Variants in COL4A2 observed in about 807,000 individuals in gnomAD.
COL4A2 encodes collagen type IV alpha 2 chain.
Under a neutral mutation model 200.2 loss-of-function variants are expected in COL4A2, and 99 were observed. The ratio of observed to expected loss-of-function variants is 0.49; its 90% CI spans 0.42 to 0.58. The LOEUF is 0.58. Ranked by LOEUF, COL4A2 falls within the 20% of genes least tolerant of loss-of-function variation. The probability of loss-of-function intolerance (pLI) is 0.00; values close to 1 mark genes in which losing one functional copy is unlikely to be tolerated. For missense variants in COL4A2, 1,950 were observed against 2,314.1 expected (o/e 0.84, Z 3.23); for synonymous variants, 897 against 900.6 (o/e 1.00, Z 0.07).
chr13:110,343,838 AG>A (rs1308401201), intron 3 of COL4A2, among the ~76,000 whole-genome samples: 1 of 152,326 alleles, frequency 6.6e-6, no homozygotes. Context: ...CACAGAGGGC[AG>A]GTTTTGAACA....
At chr13:110,433,329 T>C (rs6492274) in intron 11 of COL4A2, among the ~76,000 whole-genome samples, 9,699 of 152,302 alleles carry the variant, frequency 0.064, 423 homozygotes, top group African/African-American at 0.12. Flanking sequence ...AGCCAAGCCC[T>C]GAGCCCAGGC....
intron 4 of COL4A2, among the ~76,000 whole-genome samples, chr13:110,414,714 T>A (rs1462901197): frequency 1.3e-5 from 2 of 152,218 alleles, no homozygotes; most frequent in African/African-American, 2.4e-5. Context: ...AAAGTGATAT[T>A]ATATTGGTCT....
rs369679874 is a variant in COL4A2 at position 110,307,923 on chromosome 13, C to T, written c.20C>T (p.Ala7Val). 12 of 1,612,728 alleles carry T rather than the reference C, an allele frequency of 7.4e-6. No individual in the cohort carries two copies. The African/African-American group carries it at 1.6e-4, about 22-fold the overall frequency. The change falls in exon 2 of 48, where the codon GCG (alanine) becomes GTG (valine). Residue 7 changes from alanine (A) to valine (V), a missense_variant. Physicochemically the swap from Ala to Val is moderately conservative, Grantham distance 64. This residue lies in a region of COL4A2 where 565 missense variants were observed against 593.5 expected (regional missense o/e 0.95). Coordinates refer to ENST00000360467, the MANE Select transcript of COL4A2 (RefSeq NM_001846.4). This position sits in a 1 kb window ranked among gnomAD's most constrained non-coding sequence, Gnocchi z 5.0. MGRDQR[A>V]VAGPALRRWL... ...GCCAGCATGGGGAGAGACCAGCGCGCGGTGGCCGGCCCTGCCCTACGGCGG... is the reference window on the plus strand; with the variant it reads ...GCCAGCATGGGGAGAGACCAGCGCGTGGTGGCCGGCCCTGCCCTACGGCGG...
chr13:110,493,859 A>AGG (rs1883367988), intron 39 of COL4A2, among the ~76,000 whole-genome samples: 1 of 152,076 alleles, frequency 6.6e-6, no homozygotes, highest in Non-Finnish European at 1.5e-5. Flanking sequence ...TGTCCTCACG[A>AGG]GGGAGAGCAC....
chr13:110,428,443 T>C (rs1180477935), intron 6 of COL4A2, 24 bp from the exon 7 acceptor site: 1 of 1,438,578 alleles, frequency 7.0e-7, no homozygotes, highest in Non-Finnish European at 9.5e-7. Flanking sequence ...GGTTGGCTGA[T>C]TCTCTCACTG....
intron 4 of COL4A2, among the ~76,000 whole-genome samples, chr13:110,387,668 G>T (rs74127433): frequency 0.037 from 5,571 of 152,316 alleles, 237 homozygotes; most frequent in African/African-American, 0.1. Flanking sequence ...TCTGGAGTTC[G>T]GTTTTTCTAA....
Position 110,408,819 on chromosome 13 carries a change from A to ATG in COL4A2, c.181-15915_181-15914insTG, listed in dbSNP as rs1195685173. Among the ~76,000 whole-genome samples the ATG allele has an allele frequency of 3.1e-3, 412 of 133,156 alleles. 2 individuals carry two copies. The highest frequency in any genetic ancestry group is 5.5e-3 in the South Asian group (23 of 4,158). The allele number at this position is 133,156 out of a possible 152,430, so 87.4% of individuals were successfully genotyped here. On this transcript the variant is annotated intron_variant, in intron 4 of 47. Coordinates refer to ENST00000360467, the MANE Select transcript of COL4A2 (RefSeq NM_001846.4). ...CACACGCACACATATATATACACAC[A>ATG]CACATGCACACACACATACACGCAC...
intron 4 of COL4A2, among the ~76,000 whole-genome samples, chr13:110,362,377 G>A (rs959303995): frequency 6.6e-6 from 1 of 152,122 alleles, no homozygotes; most frequent in Non-Finnish European, 1.5e-5. Context: ...CAAGGTGCCC[G>A]CCCCTAGCAC....
chr13:110,335,477 T>G (rs1876137689), intron 3 of COL4A2, among the ~76,000 whole-genome samples: 1 of 152,180 alleles, frequency 6.6e-6, no homozygotes, highest in Non-Finnish European at 1.5e-5. Flanking sequence ...TGCCACCATG[T>G]AAGACGTGCC....
Position 110,511,996 on chromosome 13 carries a change from G to A in COL4A2, c.4944G>A (p.Glu1648=). 1 of 1,613,580 alleles carries A rather than the reference G, an allele frequency of 6.2e-7. No individual in the cohort carries two copies. Among genetic ancestry groups the A allele is most frequent in the Non-Finnish European group, 8.5e-7 (1 of 1,180,042 alleles). The change falls in exon 48 of 48, where the codon GAG becomes GAA. Residue 1648 remains glutamate, a synonymous_variant. Transcript: ENST00000360467. ...TGGTGTCACCGGGCAGCTGTCTAGA[G>A]GACTTCCGCGCCACACCATTCATCG... ...QSLVSPGSCL[E]DFRATPFIEC...
intron 27 of COL4A2, among the ~76,000 whole-genome samples, chr13:110,468,666 C>T: frequency 6.6e-6 from 1 of 152,180 alleles, no homozygotes; most frequent in Non-Finnish European, 1.5e-5. Flanking sequence ...ACACACATCC[C>T]CTTCCCAAGA....
At chr13:110,317,371 T>G (rs1885165139) in intron 3 of COL4A2, among the ~76,000 whole-genome samples, 1 of 151,862 alleles carries the variant, frequency 6.6e-6, no homozygotes, top group Admixed American at 6.6e-5. Flanking sequence ...TACACACACA[T>G]AAACACACAT....
intron 3 of COL4A2, among the ~76,000 whole-genome samples, chr13:110,319,441 G>A (rs1885225486): frequency 6.6e-6 from 1 of 152,132 alleles, no homozygotes; most frequent in Non-Finnish European, 1.5e-5. Flanking sequence ...CTTTGGTTTG[G>A]CAACATGACA....
At position 110,428,556 on chromosome 13, in the gene COL4A2, C is replaced by T. The variant is rs775266949; in HGVS notation, c.450C>T (p.Pro150=). The T allele has an allele frequency of 2.5e-5, 40 of 1,574,952 alleles. No individual in the cohort carries two copies. In the South Asian group the frequency reaches 3.7e-4, roughly 15 times the overall value. The change falls in exon 7 of 48, where the codon CCC becomes CCT. Residue 150 remains proline, a synonymous_variant. Coordinates refer to ENST00000360467, the MANE Select transcript of COL4A2 (RefSeq NM_001846.4). ...TQGDSGPQGP[P]GSEGFTGPPG... ...GAGACTCAGGTCCACAGGGGCCCCCCGGCTCTGAGGGGTTCACCGGGCCTC... is the reference window on the plus strand; with the variant it reads ...GAGACTCAGGTCCACAGGGGCCCCCTGGCTCTGAGGGGTTCACCGGGCCTC...
chr13:110,318,228 CACGAGTTCTAGAACA>C (rs1275517504), intron 3 of COL4A2, among the ~76,000 whole-genome samples: 1 of 152,180 alleles, frequency 6.6e-6, no homozygotes, highest in East Asian at 1.9e-4. Flanking sequence ...ATAATTCACT[CACGAGTTCTAGAACA>C]CCATGGACTC....
chr13:110,442,540 G>A (rs1881167837), intron 16 of COL4A2, among the ~76,000 whole-genome samples: 1 of 152,166 alleles, frequency 6.6e-6, no homozygotes, highest in African/African-American at 2.4e-5. Context: ...GACATAAACA[G>A]TGCATCAAAA....
intron 4 of COL4A2, among the ~76,000 whole-genome samples, chr13:110,374,260 A>G (rs1878142364): frequency 6.6e-6 from 1 of 152,152 alleles, no homozygotes; most frequent in Non-Finnish European, 1.5e-5. Flanking sequence ...GGAGGAAATT[A>G]ATTGAAGAAC....
At position 110,462,158 on chromosome 13, in the gene COL4A2, A is replaced by G; in HGVS notation, c.1641A>G (p.Lys547=). The change falls in exon 23 of 48, where the codon AAA becomes AAG. Residue 547 remains lysine (K), a synonymous_variant. Transcript: ENST00000360467. ...GTGCTCCCGGACCCAAAGGAGCAAA[A>G]GGAGATTCCAGAACAATCACAACCA... ...NIGAPGPKGA[K]GDSRTITTKG... is the part of the protein sequence containing the mutation. 1 of 1,614,284 alleles carries G rather than the reference A, an allele frequency of 6.2e-7. No homozygotes were observed. Among genetic ancestry groups the G allele is most frequent in the Non-Finnish European group, 8.5e-7 (1 of 1,180,056 alleles).
chr13:110,308,631 C>A (rs1422494638), intron 3 of COL4A2, among the ~76,000 whole-genome samples: 2 of 152,008 alleles, frequency 1.3e-5, no homozygotes, highest in African/African-American at 4.8e-5. Flanking sequence ...TGAAGCATTG[C>A]GAGGGAACAA....
Sources: allele counts gnomAD v4.1 joint callset (sites outside exome capture counted in the v4.1 genomes callset), GRCh38; gene constraint gnomAD v4.1.1; regional missense constraint gnomAD v4.1.1; non-coding constraint Gnocchi (gnomAD v3.1); transcripts MANE v1.5; gene names NCBI Gene and HGNC (gene_info 2026-07-23, HGNC 2026-07-21).